The following RDH10 variants were observed in gnomAD, a reference collection of about 807,000 sequenced individuals.
RDH10 encodes the protein retinol dehydrogenase 10 (all-trans).
A neutral mutation model predicts 30.2 loss-of-function variants in RDH10; 12 were observed. The observed-to-expected ratio is 0.40, with a 90% CI of 0.25 to 0.64. The LOEUF (loss-of-function observed/expected upper bound fraction) is 0.64, where lower values mean the gene tolerates loss of function less well. Among genes scored for constraint, RDH10 ranks in the 30% least tolerant of loss-of-function variants. RDH10 has a pLI of 0.43. For missense variants in RDH10, 268 were observed against 445.2 expected (o/e 0.60, Z 3.58); for synonymous variants, 189 against 172.2 (o/e 1.10, Z -0.76).
At chr8:73,310,884 A>G (rs1174867605) in intron 2 of RDH10, 1 of 152,176 alleles carries the variant, frequency 6.6e-6, no homozygotes, top group Non-Finnish European at 1.5e-5. Flanking sequence ...AGTAAAACGG[A>G]AGAAGGATGA....
rs1814227302 is a variant in RDH10 at position 73,294,934 on chromosome 8, C to T, written c.-356C>T. 2.5e-6 allele frequency: 1 copy of T among 394,292 alleles called. No individual in the cohort carries two copies. 24.4% of individuals were successfully genotyped at this position (394,292 alleles called of 1,614,324 possible). A position where few individuals can be genotyped will look rare whatever the true frequency, so the allele number is the denominator to read the frequency against. On this transcript the variant is annotated 5_prime_UTR_variant, in exon 1 of 6. Coordinates refer to ENST00000240285, the MANE Select transcript of RDH10 (RefSeq NM_172037.5). Reference sequence around the variant, plus strand: ...GGACGCTCGGGCGGCAGCAGCTTGGCCATGAGGGCAGTTCGAGTAGTCTAA... The same window carrying T: ...GGACGCTCGGGCGGCAGCAGCTTGGTCATGAGGGCAGTTCGAGTAGTCTAA...
In RDH10 at chr8:73,295,263, G is replaced by A; in HGVS notation, c.-27G>A. On this transcript the variant is annotated 5_prime_UTR_variant, in exon 1 of 6. Coordinates refer to ENST00000240285, the MANE Select transcript of RDH10 (RefSeq NM_172037.5). ...GGGGTGGGCGCGGACGCAGGCACTG[G>A]GCTCGTGCGGGGCCCCGGGCGTCGC... The A allele has an allele frequency of 1.9e-6, 3 of 1,538,942 alleles. No individual in the cohort carries two copies. Among genetic ancestry groups the A allele is most frequent in the Non-Finnish European group, 2.6e-6 (3 of 1,146,520 alleles).
At chr8:73,309,269 C>T (rs771331375) in intron 2 of RDH10, among the ~76,000 whole-genome samples, 11 of 152,174 alleles carry the variant, frequency 7.2e-5, no homozygotes, top group Non-Finnish European at 1.5e-4. Context: ...AGCAGAAAGT[C>T]AGGGCCGGCC....
chr8:73,297,683 T>A, intron 2 of RDH10: 1 of 362,424 alleles, frequency 2.8e-6, no homozygotes, highest in South Asian at 3.7e-5. Context: ...GTTTGAAAGA[T>A]TGCCATAAAA....
chr8:73,318,951 G>T, intron 2 of RDH10, 145 bp from the exon 3 acceptor site: 1 of 591,160 alleles, frequency 1.7e-6, no homozygotes, highest in Non-Finnish European at 3.0e-6. Context: ...ACACTTAAAA[G>T]ATCTTTTTGA....
At chr8:73,309,610 C>CTTTTTT (rs5892406) in intron 2 of RDH10, among the ~76,000 whole-genome samples, 2 of 120,554 alleles carry the variant, frequency 1.7e-5, no homozygotes, top group Non-Finnish European at 3.6e-5. Flanking sequence ...AAGTTGTTGC[C>CTTTTTT]TTTTTTTTTT....
chr8:73,322,348 T>G, intron 4 of RDH10: 1 of 287,310 alleles, frequency 3.5e-6, no homozygotes, highest in Non-Finnish European at 6.7e-6. Flanking sequence ...TAGTGTTTGC[T>G]ATGCCAAACA....
intron 3 of RDH10, 82 bp downstream of exon 3, chr8:73,319,276 C>A: frequency 1.1e-6 from 1 of 912,412 alleles, no homozygotes. Flanking sequence ...AGAGCACCTG[C>A]TGCCCCTCCA....
At chr8:73,310,756 G>A (rs930282939) in intron 2 of RDH10, 12 of 152,180 alleles carry the variant, frequency 7.9e-5, no homozygotes, top group African/African-American at 2.9e-4. Flanking sequence ...GGCTGAAGGA[G>A]ATCATCAAAC....
At chr8:73,322,467 G>C (rs892793833) in intron 4 of RDH10, 2 of 481,216 alleles carry the variant, frequency 4.2e-6, no homozygotes, top group Admixed American at 3.8e-5. Flanking sequence ...GACCAATTTT[G>C]CTTTTTTTTC....
intron 1 of RDH10, chr8:73,295,844 C>T: frequency 7.9e-7 from 1 of 1,261,832 alleles, no homozygotes; most frequent in South Asian, 2.6e-5. Context: ...TTCCTAAGCC[C>T]TCCGGGGTAG....
chr8:73,313,561 G>A (rs1471698174), intron 2 of RDH10, among the ~76,000 whole-genome samples: 1 of 151,900 alleles, frequency 6.6e-6, no homozygotes, highest in Non-Finnish European at 1.5e-5. Flanking sequence ...CAAAGTTCTA[G>A]CTCTACATTT....
At chr8:73,296,445 G>C (rs1439897599) in intron 1 of RDH10, among the ~76,000 whole-genome samples, 1 of 152,042 alleles carries the variant, frequency 6.6e-6, no homozygotes, top group Non-Finnish European at 1.5e-5. Context: ...TTTAATTTAA[G>C]GGTGAAAATG....
intron 2 of RDH10, among the ~76,000 whole-genome samples, chr8:73,307,195 G>C (rs1351710944): frequency 1.3e-5 from 2 of 152,198 alleles, no homozygotes; most frequent in African/African-American, 4.8e-5. Flanking sequence ...GATTAGAAAG[G>C]TGGTGGTGTT....
At chr8:73,320,686 G>C (rs1037735083) in intron 3 of RDH10, among the ~76,000 whole-genome samples, 2 of 151,982 alleles carry the variant, frequency 1.3e-5, no homozygotes, top group Non-Finnish European at 2.9e-5. Context: ...TGGCCAGGCT[G>C]GTCTCGAGCT....
In RDH10 at chr8:73,295,110, G is replaced by T. The variant is rs1814234241; in HGVS notation, c.-180G>T. 1 of 432,034 alleles carries T rather than the reference G, an allele frequency of 2.3e-6. No homozygotes were observed. Among genetic ancestry groups the T allele is most frequent in the Non-Finnish European group, 3.8e-6 (1 of 261,998 alleles). 26.8% of individuals were successfully genotyped at this position (432,034 alleles called of 1,614,324 possible). A position where few individuals can be genotyped will look rare whatever the true frequency, so the allele number is the denominator to read the frequency against. ...GCCGAGCCCGGGCGGGAGTGGCCCC[G>T]CGCAGGCAGGGAGCGGCGCCGCGCA... On this transcript the variant is annotated 5_prime_UTR_variant, in exon 1 of 6. Coordinates refer to ENST00000240285, the MANE Select transcript of RDH10 (RefSeq NM_172037.5).
intron 2 of RDH10, chr8:73,315,723 A>G (rs753500097): frequency 6.3e-6 from 2 of 318,274 alleles, no homozygotes; most frequent in Non-Finnish European, 1.3e-5. Flanking sequence ...CACGTGAGTG[A>G]GTGATTCAGA....
intron 2 of RDH10, among the ~76,000 whole-genome samples, chr8:73,309,610 C>CTTTTTTTTTTT (rs5892406): frequency 6.6e-5 from 8 of 120,560 alleles, no homozygotes; most frequent in African/African-American, 6.1e-5. Context: ...AAGTTGTTGC[C>CTTTTTTTTTTT]TTTTTTTTTT....
chr8:73,306,212 C>T (rs927521867), intron 2 of RDH10, among the ~76,000 whole-genome samples: 1 of 152,222 alleles, frequency 6.6e-6, no homozygotes, highest in African/African-American at 2.4e-5. Flanking sequence ...CCTTGACATA[C>T]CTGGCTGGCC....
Sources: allele counts gnomAD v4.1 joint callset (sites outside exome capture counted in the v4.1 genomes callset), GRCh38; gene constraint gnomAD v4.1.1; transcripts MANE v1.5; gene names NCBI Gene and HGNC (gene_info 2026-07-23, HGNC 2026-07-21).